PPP1R13B: variants seen among roughly 807,000 people sequenced by gnomAD.
PPP1R13B encodes protein phosphatase 1 regulatory subunit 13B.
In PPP1R13B, 44 loss-of-function variants were observed where a neutral mutation model predicts 119.8. The observed-to-expected ratio is 0.37, with a 90% CI of 0.29 to 0.47. PPP1R13B has a LOEUF of 0.47. PPP1R13B is among the 20% of genes least tolerant of loss of function. The pLI, the probability that PPP1R13B is intolerant of heterozygous loss-of-function variation, is 0.99. For synonymous variants in PPP1R13B, 542 were observed against 561.5 expected (o/e 0.97, Z 0.49); for missense variants, 1,227 against 1,413.5 (o/e 0.87, Z 2.12).
intron 1 of PPP1R13B, among the ~76,000 whole-genome samples, chr14:103,814,573 G>A (rs1567144525): frequency 6.6e-6 from 1 of 152,098 alleles, no homozygotes; most frequent in Non-Finnish European, 1.5e-5. Flanking sequence ...GGAGGCTGAG[G>A]CAAAAGGATC....
intron 5 of PPP1R13B, among the ~76,000 whole-genome samples, chr14:103,755,555 A>G (rs1477313383): frequency 6.6e-6 from 1 of 152,242 alleles, no homozygotes; most frequent in Admixed American, 6.5e-5. Flanking sequence ...TCATGATCCC[A>G]TATGTATGCA....
intron 2 of PPP1R13B, among the ~76,000 whole-genome samples, chr14:103,796,119 C>T (rs1274785411): frequency 6.6e-6 from 1 of 151,986 alleles, no homozygotes; most frequent in Admixed American, 6.6e-5. Flanking sequence ...TGGCAAAACC[C>T]TGTTTCTACA....
intron 1 of PPP1R13B, among the ~76,000 whole-genome samples, chr14:103,829,875 T>G (rs879338036): frequency 2.6e-5 from 4 of 151,820 alleles, no homozygotes; most frequent in Non-Finnish European, 5.9e-5. Flanking sequence ...ACCTCCCGGG[T>G]TCAAGCGATT....
intron 1 of PPP1R13B, among the ~76,000 whole-genome samples, chr14:103,839,242 A>T (rs748864484): frequency 6.6e-6 from 1 of 151,904 alleles, no homozygotes; most frequent in African/African-American, 2.4e-5. Context: ...TTGATCTCCT[A>T]ACCTTGTGAT....
intron 1 of PPP1R13B, among the ~76,000 whole-genome samples, chr14:103,803,468 C>T (rs144475831): frequency 0.022 from 3,340 of 152,022 alleles, 111 homozygotes; most frequent in African/African-American, 0.076. Flanking sequence ...ACAGTGAAAC[C>T]CCATCTCTAT....
intron 8 of PPP1R13B, 144 bp from the exon 9 acceptor site, chr14:103,746,697 T>A: frequency 3.1e-6 from 2 of 640,958 alleles, no homozygotes; most frequent in Non-Finnish European, 5.0e-6. Context: ...AAGATCAGCA[T>A]CTAGAAGGGG....
At chr14:103,743,566 ACAGGAACAGGTG>A (rs375455215) in intron 9 of PPP1R13B, among the ~76,000 whole-genome samples, 4 of 152,338 alleles carry the variant, frequency 2.6e-5, no homozygotes, top group Admixed American at 6.5e-5. Flanking sequence ...GTTCTCTTTT[ACAGGAACAGGTG>A]CTGAACTGAA....
Position 103,742,502 on chromosome 14 carries a change from GCC to G in PPP1R13B, c.1320+150_1320+151del, listed in dbSNP as rs1009605870. 7.9e-7 allele frequency: 1 copy of G among 1,267,224 alleles called. No individual in the cohort carries two copies. The allele number at this position is 1,267,224 out of a possible 1,614,324, so 78.5% of individuals were successfully genotyped here. ...CTCGTGGGCTGCTCAGGCTCTTAGG[GCC>G]CAGTAACCCTCTAGGACTTTGGGTG... is the stretch of plus-strand genomic sequence containing the variant. On this transcript the variant is annotated intron_variant, in intron 10 of 16. Coordinates refer to ENST00000202556, the MANE Select transcript of PPP1R13B (RefSeq NM_015316.3). The surrounding 1 kb of genome is among the most constrained non-coding windows in gnomAD (Gnocchi z 4.9).
chr14:103,797,628 G>T, intron 1 of PPP1R13B, 110 bp from the exon 2 acceptor site: 1 of 468,212 alleles, frequency 2.1e-6, no homozygotes, highest in Non-Finnish European at 3.5e-6. Flanking sequence ...AATGCCTACA[G>T]AATTATTTTC....
intron 1 of PPP1R13B, among the ~76,000 whole-genome samples, chr14:103,801,863 G>C (rs1003981349): frequency 6.6e-6 from 1 of 152,070 alleles, no homozygotes; most frequent in South Asian, 2.1e-4. Context: ...CAATAAACAA[G>C]CATCATCCCT....
rs1296805518 is a variant in PPP1R13B at position 103,746,304 on chromosome 14, G to A, written c.1150+69C>T. 1.8e-5 allele frequency: 6 copies of A among 326,394 alleles called. No individual in the cohort carries two copies. In the South Asian group the frequency reaches 2.6e-4, roughly 14 times the overall value. The allele number at this position is 326,394 out of a possible 1,614,324, so 20.2% of individuals were successfully genotyped here. ...GCCTCAGGAGCCTGCCCCACCCCCC[G>A]CCCCTCCACCGCAGGCCCCATTCCC... On this transcript the variant is annotated intron_variant, in intron 9 of 16. Transcript: ENST00000202556.
chr14:103,848,187 C>G (rs898417505), upstream of PPP1R13B: 10 of 958,726 alleles, frequency 1.0e-5, no homozygotes, highest in Admixed American at 6.2e-5. Flanking sequence ...GGGCCGCGCC[C>G]CCCGCACCAG....
At chr14:103,761,212 T>A (rs920468175) in intron 4 of PPP1R13B, among the ~76,000 whole-genome samples, 8 of 138,842 alleles carry the variant, frequency 5.8e-5, no homozygotes, top group Non-Finnish European at 9.0e-5. Context: ...AGGTTGAGAA[T>A]GCAGTGAGCT....
intron 3 of PPP1R13B, among the ~76,000 whole-genome samples, chr14:103,782,594 A>G (rs2085362129): frequency 6.6e-6 from 1 of 152,240 alleles, no homozygotes; most frequent in Non-Finnish European, 1.5e-5. Context: ...ACAGCAATGC[A>G]GAAGACGGCC....
At chr14:103,817,719 C>CT (rs886800433) in intron 1 of PPP1R13B, among the ~76,000 whole-genome samples, 14 of 151,650 alleles carry the variant, frequency 9.2e-5, no homozygotes, top group East Asian at 3.9e-4. Flanking sequence ...AGCCCCTCTC[C>CT]TTTTTTTTAA....
intron 1 of PPP1R13B, among the ~76,000 whole-genome samples, chr14:103,817,354 G>C (rs2086305140): frequency 6.6e-6 from 1 of 151,616 alleles, no homozygotes; most frequent in African/African-American, 2.4e-5. Context: ...CCAAGATCTA[G>C]AAATCACTAT....
intron 1 of PPP1R13B, among the ~76,000 whole-genome samples, chr14:103,838,736 T>C (rs576227237): frequency 6.6e-6 from 1 of 152,308 alleles, no homozygotes; most frequent in Admixed American, 6.5e-5. Context: ...ATTTACTACA[T>C]GCCAGGCAAC....
intron 12 of PPP1R13B, 23 bp from the exon 13 acceptor site, chr14:103,739,046 T>C: frequency 6.2e-7 from 1 of 1,604,354 alleles, no homozygotes; most frequent in South Asian, 1.1e-5. Context: ...AAGCACGCTT[T>C]CCAGTTAAAG....
At chr14:103,843,373 C>T (rs75505682) in intron 1 of PPP1R13B, among the ~76,000 whole-genome samples, 2 of 143,334 alleles carry the variant, frequency 1.4e-5, no homozygotes, top group African/African-American at 2.6e-5. Context: ...GACTCTGTCT[C>T]AAAAAAAAAA....
Sources: gnomAD v4.1 joint callset for allele counts (sites outside exome capture counted in the v4.1 genomes callset) on GRCh38, gnomAD v4.1.1 for gene constraint, Gnocchi (gnomAD v3.1) non-coding constraint, MANE v1.5 for transcripts, NCBI Gene and HGNC (gene_info 2026-07-23, HGNC 2026-07-21) for gene names.